Variants in GLUD1 observed in about 807,000 individuals in gnomAD.
GLUD1 encodes glutamate dehydrogenase 1, mitochondrial.
GLUD1 carries 22 observed loss-of-function variants against 56.0 expected under a neutral mutation model. The ratio of observed to expected loss-of-function variants is 0.39; its 90% CI spans 0.28 to 0.56. GLUD1 has a LOEUF of 0.56. GLUD1 is among the 20% of genes least tolerant of loss of function. The pLI is 0.58. For missense variants in GLUD1, 451 were observed against 732.0 expected (o/e 0.62, Z 4.43); for synonymous variants, 223 against 269.9 (o/e 0.83, Z 1.70).
intron 11 of GLUD1, among the ~76,000 whole-genome samples, chr10:87,055,326 G>T (rs1050762947): frequency 6.6e-6 from 1 of 152,136 alleles, no homozygotes; most frequent in African/African-American, 2.4e-5. Context: ...GGGCACTGGG[G>T]GGATGAGGGA....
intron 1 of GLUD1, among the ~76,000 whole-genome samples, chr10:87,084,257 T>C (rs1589381242): frequency 1.3e-5 from 2 of 152,382 alleles, no homozygotes; most frequent in South Asian, 2.1e-4. Flanking sequence ...TTATTTTATG[T>C]TAACTGGTAT....
chr10:87,060,452 T>G, intron 8 of GLUD1: 2 of 662,848 alleles, frequency 3.0e-6, no homozygotes, highest in Non-Finnish European at 2.6e-6. Context: ...TGCTTGTTTT[T>G]TTTTTTTACA....
chr10:87,074,605 A>G lies in GLUD1; in HGVS notation c.592T>C (p.Leu198=), dbSNP rs558455520. The G allele has an allele frequency of 2.5e-6, 4 of 1,572,748 alleles. No individual in the cohort carries two copies. Among genetic ancestry groups the G allele is most frequent in the African/African-American group, 2.7e-5 (2 of 74,240 alleles). The change falls in exon 4 of 13, where the codon TTG becomes CTG. Residue 198 remains leucine, a synonymous_variant. Transcript: ENST00000277865. ...INPKNYTDNE[L]EKITRRFTME... ...GTGAACCTCCTTGTGATCTTTTCCA[A>G]TTCATTATCCTGTAAAATAAGAAAA... is the stretch of plus-strand genomic sequence containing the variant.
intron 12 of GLUD1, among the ~76,000 whole-genome samples, chr10:87,052,668 TCA>T (rs1491174777): frequency 4.8e-4 from 8 of 16,566 alleles, no homozygotes; most frequent in African/African-American, 9.1e-4. Flanking sequence ...AAACTCCGTC[TCA>T]AAAAAAAAAA....
At chr10:87,064,058 T>G (rs1033015336) in intron 5 of GLUD1, among the ~76,000 whole-genome samples, 7 of 152,120 alleles carry the variant, frequency 4.6e-5, no homozygotes, top group African/African-American at 1.7e-4. Flanking sequence ...TTTTGTATTT[T>G]TAGTAGAGAT....
At chr10:87,056,292 C>CTT (rs556387150) in intron 11 of GLUD1, among the ~76,000 whole-genome samples, 14 of 135,278 alleles carry the variant, frequency 1.0e-4, no homozygotes, top group Admixed American at 1.5e-4. Context: ...TACACCGTTT[C>CTT]TTTTTTTTTT....
chr10:87,075,706 G>A (rs1846368678), intron 3 of GLUD1, among the ~76,000 whole-genome samples: 2 of 152,168 alleles, frequency 1.3e-5, no homozygotes, highest in South Asian at 4.1e-4. Flanking sequence ...TGGATCACCT[G>A]AGGTCAGGAG....
intron 2 of GLUD1, among the ~76,000 whole-genome samples, 162 bp downstream of exon 2, chr10:87,076,414 C>T (rs942445977): frequency 2.6e-5 from 4 of 151,874 alleles, no homozygotes; most frequent in African/African-American, 9.7e-5. Flanking sequence ...AAGGCTATAT[C>T]TTAATTTAGA....
chr10:87,076,604 A>G lies in GLUD1; in HGVS notation c.498T>C (p.Ser166=). The change falls in exon 2 of 13, where the codon TCT becomes TCC. Residue 166 remains serine, a synonymous_variant. Coordinates refer to ENST00000277865, the MANE Select transcript of GLUD1 (RefSeq NM_005271.5). Reference sequence around the variant, plus strand: ...CCACTGCACACTTGTATGTCATCAGAGAAGCCAAAGCTTTTACTTCATCTA... The same window carrying G: ...CCACTGCACACTTGTATGTCATCAGGGAAGCCAAAGCTTTTACTTCATCTA... ...VSVDEVKALA[S]LMTYKCAVVD... is the part of the protein sequence containing the mutation. 3 of 1,608,740 alleles carry G rather than the reference A, an allele frequency of 1.9e-6. No individual in the cohort carries two copies. Among genetic ancestry groups the G allele is most frequent in the Non-Finnish European group, 2.6e-6 (3 of 1,175,108 alleles).
intron 6 of GLUD1, 40 bp from the exon 7 acceptor site, chr10:87,061,092 C>G (rs1845918307): frequency 3.8e-6 from 6 of 1,565,910 alleles, no homozygotes; most frequent in Non-Finnish European, 5.3e-6. Flanking sequence ...AATTAAAGTC[C>G]TGGTATAGAC....
chr10:87,076,438 G>A, intron 2 of GLUD1, 138 bp downstream of exon 2: 1 of 678,696 alleles, frequency 1.5e-6, no homozygotes, highest in South Asian at 1.6e-5. Flanking sequence ...ATTGAAAAAT[G>A]ATGCAGGTCT....
chr10:87,060,411 C>T, intron 8 of GLUD1, 170 bp from the exon 9 acceptor site: 1 of 675,304 alleles, frequency 1.5e-6, no homozygotes. Context: ...CTACCTTTCA[C>T]TTTTCTATTT....
intron 1 of GLUD1, among the ~76,000 whole-genome samples, chr10:87,087,980 C>T (rs1376975219): frequency 2.6e-5 from 4 of 152,080 alleles, no homozygotes; most frequent in African/African-American, 9.7e-5. Flanking sequence ...ACTTGGTAGG[C>T]TGAGGCAGGA....
At chr10:87,075,644 G>A (rs112920311) in intron 3 of GLUD1, among the ~76,000 whole-genome samples, 3 of 152,064 alleles carry the variant, frequency 2.0e-5, no homozygotes, top group Non-Finnish European at 4.4e-5. Flanking sequence ...CTTTGAGGCC[G>A]GGTGCGGTGG....
At chr10:87,066,887 T>TAA in intron 5 of GLUD1, among the ~76,000 whole-genome samples, 1 of 152,346 alleles carries the variant, frequency 6.6e-6, no homozygotes, top group East Asian at 1.9e-4. Flanking sequence ...TCCTCTCATG[T>TAA]TCAGTTCTGT....
intron 1 of GLUD1, chr10:87,091,683 C>A: frequency 2.7e-6 from 1 of 373,806 alleles, no homozygotes; most frequent in Non-Finnish European, 3.7e-6. Flanking sequence ...GGAAAAAGTA[C>A]ACATCAGCCA....
chr10:87,060,382 C>A (rs1388872414), intron 8 of GLUD1, 141 bp from the exon 9 acceptor site: 2 of 760,730 alleles, frequency 2.6e-6, no homozygotes, highest in East Asian at 4.9e-5. Flanking sequence ...GGTTATTTTT[C>A]TCTGCCAAGT....
intron 7 of GLUD1, 21 bp from the exon 8 acceptor site, chr10:87,060,846 C>T (rs201642733): frequency 3.1e-6 from 5 of 1,614,014 alleles, no homozygotes; most frequent in Non-Finnish European, 4.2e-6. Flanking sequence ...TTGAAAATCA[C>T]AATTAATAGC....
At chr10:87,062,461 A>T (rs1382984526) in intron 6 of GLUD1, among the ~76,000 whole-genome samples, 195 bp downstream of exon 6, 1 of 152,222 alleles carries the variant, frequency 6.6e-6, no homozygotes, top group Non-Finnish European at 1.5e-5. Flanking sequence ...TACTTGAGAG[A>T]TACTTAAATC....
Sources: gnomAD v4.1 joint callset for allele counts (sites outside exome capture counted in the v4.1 genomes callset) on GRCh38, gnomAD v4.1.1 for gene constraint, MANE v1.5 for transcripts, NCBI Gene and HGNC (gene_info 2026-07-23, HGNC 2026-07-21) for gene names.